SPAG16: variants seen among roughly 807,000 people sequenced by gnomAD.
SPAG16 encodes sperm-associated antigen 16 protein.
In SPAG16, 86 loss-of-function variants were observed where a neutral mutation model predicts 80.4. The ratio of observed to expected loss-of-function variants is 1.07; its 90% CI spans 0.90 to 1.28. The LOEUF is 1.28. Among genes scored for constraint, SPAG16 ranks in the 50% most tolerant of loss-of-function variants. The probability of loss-of-function intolerance (pLI) is 0.00; values close to 1 mark genes in which losing one functional copy is unlikely to be tolerated. For synonymous variants in SPAG16, 294 were observed against 265.9 expected, an observed-to-expected ratio of 1.11 and a Z score of -1.03; for missense variants, 870 against 765.3, an observed-to-expected ratio of 1.14 and a Z score of -1.61.
chr2:213,862,894 A>G (rs760943752), intron 11 of SPAG16, among the ~76,000 whole-genome samples: 1 of 152,184 alleles, frequency 6.6e-6, no homozygotes, highest in Non-Finnish European at 1.5e-5. Flanking sequence ...AGCATTATTA[A>G]AATTCCTTGT....
intron 10 of SPAG16, among the ~76,000 whole-genome samples, chr2:213,694,514 ACAATGATCAC>A (rs2065079748): frequency 1.3e-5 from 2 of 152,198 alleles, no homozygotes; most frequent in East Asian, 3.9e-4. Context: ...CCAAAAAGTC[ACAATGATCAC>A]GTGGATGCTA....
At chr2:213,545,788 A>T (rs1463840472) in intron 10 of SPAG16, among the ~76,000 whole-genome samples, 1 of 152,018 alleles carries the variant, frequency 6.6e-6, no homozygotes, top group Non-Finnish European at 1.5e-5. Context: ...TACGCTTGGG[A>T]GGGGTTTGTG....
intron 12 of SPAG16, among the ~76,000 whole-genome samples, chr2:213,942,754 A>G (rs183060958): frequency 8.3e-4 from 127 of 152,332 alleles, no homozygotes; most frequent in Non-Finnish European, 8.8e-4. Flanking sequence ...CACATGGCCA[A>G]TATTAGAGTT....
intron 10 of SPAG16, among the ~76,000 whole-genome samples, chr2:213,856,486 C>T (rs377140971): frequency 1.6e-4 from 24 of 152,322 alleles, no homozygotes; most frequent in African/African-American, 5.8e-4. Context: ...GGGCTCCAAA[C>T]CCACATTTCC....
At chr2:214,257,578 C>G (rs1690784666) in intron 15 of SPAG16, among the ~76,000 whole-genome samples, 1 of 152,008 alleles carries the variant, frequency 6.6e-6, no homozygotes, top group African/African-American at 2.4e-5. Context: ...TTTCAACATT[C>G]ATTGAAATGA....
At chr2:214,380,042 G>GACAT (rs1360215914) in intron 15 of SPAG16, among the ~76,000 whole-genome samples, 1 of 152,136 alleles carries the variant, frequency 6.6e-6, no homozygotes, top group Admixed American at 6.6e-5. Context: ...CTTAGTTCCA[G>GACAT]ACATAGTGCC....
At chr2:213,563,024 C>T (rs183525497) in intron 10 of SPAG16, among the ~76,000 whole-genome samples, 28 of 152,278 alleles carry the variant, frequency 1.8e-4, no homozygotes, top group Admixed American at 1.8e-3. Flanking sequence ...TTTGGCATGG[C>T]GGGGGAACAC....
intron 10 of SPAG16, among the ~76,000 whole-genome samples, chr2:213,851,637 C>G (rs1266259108): frequency 6.6e-6 from 1 of 152,118 alleles, no homozygotes; most frequent in Non-Finnish European, 1.5e-5. Flanking sequence ...TGCATTTGAG[C>G]CAGAGTAGAT....
intron 15 of SPAG16, among the ~76,000 whole-genome samples, chr2:214,409,135 A>G (rs1245785027): frequency 6.6e-6 from 1 of 151,880 alleles, no homozygotes; most frequent in Admixed American, 6.6e-5. Flanking sequence ...ACGATCATTC[A>G]GAATTATCCA....
intron 10 of SPAG16, among the ~76,000 whole-genome samples, chr2:213,821,570 T>C (rs1042629589): frequency 6.6e-6 from 1 of 152,214 alleles, no homozygotes; most frequent in African/African-American, 2.4e-5. Context: ...TTATGTATAC[T>C]ATTTTAGTTA....
intron 10 of SPAG16, among the ~76,000 whole-genome samples, chr2:213,503,561 A>G (rs2074840116): frequency 6.6e-6 from 1 of 152,204 alleles, no homozygotes; most frequent in Non-Finnish European, 1.5e-5. Context: ...TTGGAGAGGT[A>G]TTCATAAAAA....
At chr2:214,043,050 T>C (rs1375506895) in intron 13 of SPAG16, among the ~76,000 whole-genome samples, 1 of 152,000 alleles carries the variant, frequency 6.6e-6, no homozygotes, top group Non-Finnish European at 1.5e-5. Flanking sequence ...AAAAAACTCA[T>C]GCAAAGTAGA....
chr2:213,802,431 AT>A (rs2071476241), intron 10 of SPAG16, among the ~76,000 whole-genome samples: 1 of 150,870 alleles, frequency 6.6e-6, no homozygotes, highest in Non-Finnish European at 1.5e-5. Context: ...CTATCTATCT[AT>A]CTATCTATCT....
At chr2:214,369,350 G>A (rs1699674032) in intron 15 of SPAG16, among the ~76,000 whole-genome samples, 1 of 151,988 alleles carries the variant, frequency 6.6e-6, no homozygotes, top group Admixed American at 6.6e-5. Flanking sequence ...TACTAGTTTT[G>A]TAATGCTGCG....
intron 10 of SPAG16, among the ~76,000 whole-genome samples, chr2:213,659,268 T>C (rs1379257579): frequency 2.0e-5 from 3 of 151,820 alleles, no homozygotes; most frequent in African/African-American, 7.3e-5. Context: ...AAGTGTACAT[T>C]CTCAGTGCTT....
intron 14 of SPAG16, among the ~76,000 whole-genome samples, chr2:214,123,854 G>C (rs904910922): frequency 1.1e-4 from 17 of 151,884 alleles, no homozygotes; most frequent in Non-Finnish European, 2.2e-4. Flanking sequence ...AGCAAAATCG[G>C]GACACATAGA....
At chr2:214,010,868 G>T (rs1225115049) in intron 12 of SPAG16, among the ~76,000 whole-genome samples, 1 of 146,056 alleles carries the variant, frequency 6.8e-6, no homozygotes, top group Non-Finnish European at 1.5e-5. Context: ...AATTTCAGAG[G>T]TGAGTAAAAA....
At chr2:214,124,713 T>G (rs1183394428) in intron 14 of SPAG16, among the ~76,000 whole-genome samples, 1 of 151,814 alleles carries the variant, frequency 6.6e-6, no homozygotes, top group Non-Finnish European at 1.5e-5. Flanking sequence ...AAGAAGTGAC[T>G]GTTAGTTAAC....
At chr2:213,918,195 A>G (rs2078055064) in intron 11 of SPAG16, among the ~76,000 whole-genome samples, 1 of 152,080 alleles carries the variant, frequency 6.6e-6, no homozygotes. Flanking sequence ...GGTTTTTTGT[A>G]TCAGTGTTCA....
Sources: allele counts gnomAD v4.1 joint callset (sites outside exome capture counted in the v4.1 genomes callset), GRCh38; gene constraint gnomAD v4.1.1; transcripts MANE v1.5; gene names NCBI Gene and HGNC (gene_info 2026-07-23, HGNC 2026-07-21).